AUTS2: variants seen among roughly 807,000 people sequenced by gnomAD.
AUTS2 encodes activator of transcription and developmental regulator AUTS2, also known as autism susceptibility gene 2 protein.
AUTS2 carries 17 observed loss-of-function variants against 112.4 expected under a neutral mutation model. The observed-to-expected ratio is 0.15, with a 90% CI of 0.10 to 0.23. The LOEUF is 0.23. Ranked by LOEUF, AUTS2 falls within the 10% of genes least tolerant of loss-of-function variation. AUTS2 has a pLI of 1.00. For missense variants in AUTS2, 1,510 were observed against 1,701.6 expected (o/e 0.89, Z 1.98); for synonymous variants, 751 against 702.7 (o/e 1.07, Z -1.09).
intron 6 of AUTS2, among the ~76,000 whole-genome samples, chr7:70,730,225 T>TG (rs780179093): frequency 4.2e-5 from 6 of 142,374 alleles, no homozygotes; most frequent in African/African-American, 1.5e-4. Context: ...CAGTTTTTTT[T>TG]TTTGTTTTTT....
chr7:69,714,493 C>T (rs1443854003), intron 1 of AUTS2, among the ~76,000 whole-genome samples: 1 of 151,958 alleles, frequency 6.6e-6, no homozygotes, highest in East Asian at 1.9e-4. Context: ...GCCTTTCTGC[C>T]TTTGTCAAAA....
At chr7:70,702,547 G>C (rs1301165897) in intron 6 of AUTS2, among the ~76,000 whole-genome samples, 1 of 152,204 alleles carries the variant, frequency 6.6e-6, no homozygotes, top group Non-Finnish European at 1.5e-5. Flanking sequence ...CCTCCTGAGT[G>C]AGCCATCGGG....
intron 6 of AUTS2, among the ~76,000 whole-genome samples, chr7:70,700,612 GA>G (rs1441902867): frequency 2.7e-5 from 4 of 149,496 alleles, no homozygotes; most frequent in African/African-American, 9.8e-5. Context: ...GGGGGGTGTG[GA>G]GGGGGAAAGC....
intron 2 of AUTS2, among the ~76,000 whole-genome samples, chr7:70,020,458 C>G (rs1194874137): frequency 3.3e-5 from 5 of 152,058 alleles, no homozygotes; most frequent in Admixed American, 3.3e-4. Flanking sequence ...ATGTTTGGTT[C>G]TTCATTTTAT....
At chr7:70,212,162 G>A (rs1562790169) in intron 4 of AUTS2, among the ~76,000 whole-genome samples, 1 of 152,180 alleles carries the variant, frequency 6.6e-6, no homozygotes, top group East Asian at 1.9e-4. Context: ...TTGTGGTGGT[G>A]GGATCTGAGC....
intron 5 of AUTS2, among the ~76,000 whole-genome samples, chr7:70,675,096 TC>T (rs35791080): frequency 0.32 from 48,546 of 151,176 alleles, 7,948 homozygotes; most frequent in Middle Eastern, 0.44. Context: ...AAATTAATCC[TC>T]CCCCCCCTCA....
At position 70,185,698 on chromosome 7, in the gene AUTS2, A is replaced by G. The variant is rs1198951095; in HGVS notation, c.660+51127A>G. Among the ~76,000 whole-genome samples the G allele has an allele frequency of 2.6e-5, 4 of 152,232 alleles. No individual in the cohort carries two copies. In the East Asian group the frequency reaches 5.8e-4, roughly 22 times the overall value. ...TATGATAAGCTTTTCAGAAGCATTA[A>G]TAACCTAGACTCAAGCCTATGTAGT... On this transcript the variant is annotated intron_variant, in intron 4 of 18. Coordinates refer to ENST00000342771, the MANE Select transcript of AUTS2 (RefSeq NM_015570.4).
At chr7:70,445,000 C>A (rs1210438117) in intron 5 of AUTS2, among the ~76,000 whole-genome samples, 1 of 152,134 alleles carries the variant, frequency 6.6e-6, no homozygotes, top group Non-Finnish European at 1.5e-5. Flanking sequence ...ATAATAGCAA[C>A]TAAATAGTAA....
At chr7:70,730,071 A>T (rs545271318) in intron 6 of AUTS2, among the ~76,000 whole-genome samples, 8 of 152,232 alleles carry the variant, frequency 5.3e-5, no homozygotes, top group African/African-American at 1.4e-4. Flanking sequence ...TTTAGTAGAG[A>T]TGGAGTTTCA....
intron 1 of AUTS2, among the ~76,000 whole-genome samples, chr7:69,818,299 G>A (rs995430843): frequency 6.6e-6 from 1 of 152,168 alleles, no homozygotes; most frequent in African/African-American, 2.4e-5. Flanking sequence ...TTTTTGTGCA[G>A]CTGCCAGCCA....
At chr7:70,242,112 G>A (rs939122080) in intron 4 of AUTS2, among the ~76,000 whole-genome samples, 1 of 152,188 alleles carries the variant, frequency 6.6e-6, no homozygotes, top group Non-Finnish European at 1.5e-5. Context: ...CAGACACAGT[G>A]GCAACATAGT....
chr7:70,694,771 C>A lies in AUTS2; in HGVS notation c.691-3798C>A, dbSNP rs1380637363. 1 of 149,444 alleles carries A rather than the reference C, an allele frequency of 6.7e-6. No homozygotes were observed. Among genetic ancestry groups the A allele is most frequent in the Non-Finnish European group, 1.5e-5 (1 of 66,672 alleles). 9.3% of individuals were successfully genotyped at this position (149,444 alleles called of 1,614,324 possible). A position where few individuals can be genotyped will look rare whatever the true frequency, so the allele number is the denominator to read the frequency against. Reference sequence around the variant, plus strand: ...GCGCTCCTCCCGCCGCCCGGGGCCTCGGCCGCGCTGGATGTGTGCGCGCGG... The same window carrying A: ...GCGCTCCTCCCGCCGCCCGGGGCCTAGGCCGCGCTGGATGTGTGCGCGCGG... On this transcript the variant is annotated intron_variant, in intron 5 of 18. Coordinates refer to ENST00000342771, the MANE Select transcript of AUTS2 (RefSeq NM_015570.4). This position sits in a 1 kb window ranked among gnomAD's most constrained non-coding sequence, Gnocchi z 4.1.
chr7:70,343,812 G>C (rs1412688734), intron 4 of AUTS2, among the ~76,000 whole-genome samples: 1 of 152,040 alleles, frequency 6.6e-6, no homozygotes, highest in Non-Finnish European at 1.5e-5. Flanking sequence ...TCTTCATTTT[G>C]TAAAGCAACA....
intron 4 of AUTS2, among the ~76,000 whole-genome samples, chr7:70,257,962 A>G (rs910905851): frequency 3.3e-5 from 5 of 152,248 alleles, no homozygotes; most frequent in African/African-American, 1.2e-4. Flanking sequence ...CCTGGCCGAC[A>G]TGAGCATGGA....
chr7:69,771,785 CCTT>C (rs1287333641), intron 1 of AUTS2, among the ~76,000 whole-genome samples: 8 of 128,218 alleles, frequency 6.2e-5, no homozygotes, highest in Admixed American at 4.0e-4. Flanking sequence ...TGTCATGTGA[CCTT>C]TTTTTTTTTT....
chr7:70,415,025 A>G (rs1794932310), intron 4 of AUTS2, among the ~76,000 whole-genome samples: 1 of 152,184 alleles, frequency 6.6e-6, no homozygotes. Context: ...ATTAACACAG[A>G]GTAAATAGTT....
chr7:70,450,265 T>G (rs1377570692), intron 5 of AUTS2, among the ~76,000 whole-genome samples: 1 of 152,188 alleles, frequency 6.6e-6, no homozygotes, highest in African/African-American at 2.4e-5. Context: ...AAGGGAAAGC[T>G]GAGGTACCTA....
chr7:69,656,033 T>A (rs1401836686), intron 1 of AUTS2, among the ~76,000 whole-genome samples: 1 of 152,246 alleles, frequency 6.6e-6, no homozygotes, highest in Non-Finnish European at 1.5e-5. Context: ...ATTAAGATAG[T>A]GATGAGGTGG....
At chr7:69,886,440 C>T (rs1422205623) in intron 1 of AUTS2, among the ~76,000 whole-genome samples, 1 of 152,158 alleles carries the variant, frequency 6.6e-6, no homozygotes, top group Admixed American at 6.5e-5. Context: ...CACATATATA[C>T]ACACACTTCC....
Sources: allele counts gnomAD v4.1 joint callset (sites outside exome capture counted in the v4.1 genomes callset), GRCh38; gene constraint gnomAD v4.1.1; non-coding constraint Gnocchi (gnomAD v3.1); transcripts MANE v1.5; gene names NCBI Gene and HGNC (gene_info 2026-07-23, HGNC 2026-07-21).